Variants in RAD51B observed in about 807,000 individuals in gnomAD.
RAD51B encodes the protein DNA repair protein RAD51 homolog 2.
In RAD51B, 38 loss-of-function variants were observed where a neutral mutation model predicts 42.2. The observed-to-expected ratio is 0.90, with a 90% confidence interval of 0.70 to 1.18. The LOEUF is 1.18. Among genes scored for constraint, RAD51B ranks in the 50% most tolerant of loss-of-function variants. The pLI is 0.00. For synonymous variants in RAD51B, 154 were observed against 145.2 expected, an observed-to-expected ratio of 1.06 and a Z score of -0.43; for missense variants, 373 against 400.7, an observed-to-expected ratio of 0.93 and a Z score of 0.59.
At chr14:68,351,669 T>C (rs2082792318) in intron 8 of RAD51B, among the ~76,000 whole-genome samples, 1 of 152,120 alleles carries the variant, frequency 6.6e-6, no homozygotes, top group Non-Finnish European at 1.5e-5. Flanking sequence ...AGGAGAGCGC[T>C]CTATGGAGAG....
At chr14:67,826,375 C>G (rs1175712816) in intron 3 of RAD51B, among the ~76,000 whole-genome samples, 1 of 152,052 alleles carries the variant, frequency 6.6e-6, no homozygotes, top group Non-Finnish European at 1.5e-5. Flanking sequence ...TTACAAAAGC[C>G]CTCATCAAAT....
intron 8 of RAD51B, among the ~76,000 whole-genome samples, chr14:68,318,808 G>A (rs1655961711): frequency 6.6e-6 from 1 of 152,110 alleles, no homozygotes; most frequent in African/African-American, 2.4e-5. Flanking sequence ...TTTCATCTGG[G>A]GGAAGATAAT....
At chr14:68,470,464 G>T in intron 10 of RAD51B, 3 of 478,580 alleles carry the variant, frequency 6.3e-6, no homozygotes, top group South Asian at 4.7e-5. Context: ...AGAACCTTTG[G>T]ATTTTACCTT....
chr14:68,042,595 G>C (rs547097508), intron 7 of RAD51B, among the ~76,000 whole-genome samples: 76 of 151,686 alleles, frequency 5.0e-4, no homozygotes, highest in African/African-American at 1.8e-3. Context: ...ACATATTTTT[G>C]TACACACCCT....
intron 7 of RAD51B, among the ~76,000 whole-genome samples, chr14:68,075,566 C>G (rs1420204064): frequency 2.6e-5 from 4 of 151,322 alleles, no homozygotes; most frequent in East Asian, 2.0e-4. Flanking sequence ...AGGCACAAGT[C>G]AAGCACTCAT....
At chr14:67,837,816 T>C (rs1772677189) in intron 4 of RAD51B, among the ~76,000 whole-genome samples, 1 of 152,204 alleles carries the variant, frequency 6.6e-6, no homozygotes, top group African/African-American at 2.4e-5. Flanking sequence ...CAAAAGCCCC[T>C]CTTCTAGCTA....
intron 8 of RAD51B, among the ~76,000 whole-genome samples, chr14:68,398,680 T>C (rs1431883760): frequency 6.6e-6 from 1 of 152,124 alleles, no homozygotes; most frequent in Non-Finnish European, 1.5e-5. Flanking sequence ...TCTATTCCTC[T>C]TGGGAAGCAG....
chr14:67,897,262 A>G (rs986667663), intron 7 of RAD51B, among the ~76,000 whole-genome samples: 2 of 152,224 alleles, frequency 1.3e-5, no homozygotes, highest in African/African-American at 4.8e-5. Flanking sequence ...TGCCAAACTT[A>G]AAAGCTTCTG....
intron 8 of RAD51B, among the ~76,000 whole-genome samples, chr14:68,367,410 T>C (rs186987340): frequency 3.3e-5 from 5 of 152,336 alleles, no homozygotes; most frequent in Admixed American, 3.3e-4. Flanking sequence ...AAGCTGAGAA[T>C]TTTAAAATTC....
At chr14:67,860,114 A>C (rs1349463727) in intron 4 of RAD51B, among the ~76,000 whole-genome samples, 2 of 152,106 alleles carry the variant, frequency 1.3e-5, no homozygotes, top group Non-Finnish European at 2.9e-5. Context: ...GAGTCACCGC[A>C]CCCGGCCTTA....
chr14:68,477,697 G>C lies in RAD51B; in HGVS notation c.*33G>C. 1 of 1,610,016 alleles carries C rather than the reference G, an allele frequency of 6.2e-7. No homozygotes were observed. The highest frequency in any genetic ancestry group is 1.1e-5 in the South Asian group (1 of 90,254). On this transcript the variant is annotated 3_prime_UTR_variant, in exon 11 of 11. Transcript: ENST00000471583. ...GTGACCTTTGTCTAGAGTTGATGGG[G>C]GTGTGATTTGTGAAATAAAACAGGA...
At chr14:67,986,288 A>C (rs1277953851) in intron 7 of RAD51B, among the ~76,000 whole-genome samples, 2 of 152,256 alleles carry the variant, frequency 1.3e-5, no homozygotes, top group African/African-American at 4.8e-5. Context: ...GATTTAAAAC[A>C]TACAGGGAAG....
intron 4 of RAD51B, among the ~76,000 whole-genome samples, chr14:67,850,080 C>T (rs1201727885): frequency 2.6e-5 from 4 of 152,178 alleles, no homozygotes; most frequent in African/African-American, 9.7e-5. Flanking sequence ...ACTGTAGCCT[C>T]GACCTCCCAG....
At chr14:68,195,204 A>G (rs1457946888) in intron 7 of RAD51B, among the ~76,000 whole-genome samples, 1 of 152,236 alleles carries the variant, frequency 6.6e-6, no homozygotes, top group Non-Finnish European at 1.5e-5. Context: ...TTACTATGCC[A>G]TCTTTACTCA....
chr14:68,398,992 G>C (rs188784773), intron 8 of RAD51B, among the ~76,000 whole-genome samples: 1 of 152,278 alleles, frequency 6.6e-6, no homozygotes, highest in Admixed American at 6.5e-5. Context: ...TGATTCATCA[G>C]GTTTGGGATG....
At chr14:67,888,138 C>T (rs1028479065) in intron 7 of RAD51B, among the ~76,000 whole-genome samples, 1 of 152,000 alleles carries the variant, frequency 6.6e-6, no homozygotes, top group African/African-American at 2.4e-5. Context: ...AGGAAGAAGT[C>T]AAGGGAGAAA....
At chr14:68,486,580 C>T (rs1418661238) in intron 10 of RAD51B, among the ~76,000 whole-genome samples, 3 of 152,166 alleles carry the variant, frequency 2.0e-5, no homozygotes, top group Non-Finnish European at 4.4e-5. Flanking sequence ...ATAACATAAG[C>T]CTCTCTAACT....
chr14:68,638,048 G>C (rs1027068121), intron 10 of RAD51B, among the ~76,000 whole-genome samples: 9 of 152,254 alleles, frequency 5.9e-5, no homozygotes, highest in African/African-American at 2.4e-5. Flanking sequence ...CTAGTTTGCA[G>C]AGGTAAGAGG....
intron 10 of RAD51B, among the ~76,000 whole-genome samples, chr14:68,484,336 G>C (rs1883436710): frequency 6.6e-6 from 1 of 150,436 alleles, no homozygotes; most frequent in Non-Finnish European, 1.5e-5. Context: ...TTTAGTTACA[G>C]TTGGGCTATT....
Sources: allele counts gnomAD v4.1 joint callset (sites outside exome capture counted in the v4.1 genomes callset), GRCh38; gene constraint gnomAD v4.1.1; transcripts MANE v1.5; gene names NCBI Gene and HGNC (gene_info 2026-07-23, HGNC 2026-07-21).